The following PAPPA2 variants were observed in gnomAD, a reference collection of about 807,000 sequenced individuals.
PAPPA2 encodes pappalysin-2.
In PAPPA2, 86 loss-of-function variants were observed where a neutral mutation model predicts 176.4. The ratio of observed to expected loss-of-function variants is 0.49; its 90% CI spans 0.41 to 0.58. PAPPA2 has a LOEUF of 0.58. Among genes scored for constraint, PAPPA2 ranks in the 20% least tolerant of loss-of-function variants. The pLI is 0.00. For synonymous variants in PAPPA2, 809 were observed against 852.2 expected (o/e 0.95, Z 0.88); for missense variants, 2,073 against 2,256.9 (o/e 0.92, Z 1.65).
chr1:176,482,744 A>T (rs1652462577), intron 1 of PAPPA2, among the ~76,000 whole-genome samples: 1 of 152,080 alleles, frequency 6.6e-6, no homozygotes, highest in Non-Finnish European at 1.5e-5. Flanking sequence ...TTCAGTAGGG[A>T]AATAATTCCT....
intron 4 of PAPPA2, among the ~76,000 whole-genome samples, chr1:176,680,650 G>A (rs1325535097): frequency 6.6e-6 from 1 of 152,044 alleles, no homozygotes; most frequent in African/African-American, 2.4e-5. Context: ...GTTAAAAATC[G>A]CTTCTCAGTT....
At position 176,710,128 on chromosome 1, in the gene PAPPA2, CAAG is replaced by C. The variant is rs773573873; in HGVS notation, c.3610_3612del (p.Lys1204del). 14 of 1,613,790 alleles carry C rather than the reference CAAG, an allele frequency of 8.7e-6. No homozygotes were observed. Among genetic ancestry groups the C allele is most frequent in the African/African-American group, 4.0e-5 (3 of 75,010 alleles). ...CCCGGGCTTACTCCTCTCATGAAGACAAGAAGAAGTGTCCTGTTTCCTTGGTAA... is the reference window on the plus strand; with the variant it reads ...CCCGGGCTTACTCCTCTCATGAAGACAAGAAGTGTCCTGTTTCCTTGGTAA... On this transcript the variant is annotated inframe_deletion, in exon 11 of 23. Transcript: ENST00000367662.
rs771539594 is a variant in PAPPA2, at chr1:176,557,207, G to A, written c.885G>A (p.Pro295=). The change falls in exon 2 of 23, where the codon CCG becomes CCA. Residue 295 remains proline (P), a synonymous_variant. Coordinates refer to ENST00000367662, the MANE Select transcript of PAPPA2 (RefSeq NM_020318.3). The part of the protein sequence containing the change: ...EAFTVEAWVK[P]EGGQNNPAII... ...TCACAGTGGAAGCCTGGGTTAAACC[G>A]GAGGGAGGACAGAACAACCCAGCCA... is the stretch of plus-strand genomic sequence containing the variant. 9.3e-6 allele frequency: 15 copies of A among 1,607,158 alleles called. No individual in the cohort carries two copies. Among genetic ancestry groups the A allele is most frequent in the East Asian group, 2.2e-5 (1 of 44,556 alleles).
rs138285223 is a variant in PAPPA2 at position 176,756,009 on chromosome 1, T to A, written c.4152-9657T>A. 2.4e-4 allele frequency among the ~76,000 whole-genome samples: 37 copies of A among 152,292 alleles called. 1 individual carries two copies. In the East Asian group the frequency reaches 6.0e-3, roughly 25 times the overall value. On this transcript the variant is annotated intron_variant, in intron 14 of 22. Coordinates refer to ENST00000367662, the MANE Select transcript of PAPPA2 (RefSeq NM_020318.3). ...AGAGTTTCGCTCTTGTTGCCCAGGTTGGAGTGCAGCACAATCTCGGCTCAC... is the reference window on the plus strand; with the variant it reads ...AGAGTTTCGCTCTTGTTGCCCAGGTAGGAGTGCAGCACAATCTCGGCTCAC...
chr1:176,772,311 T>C (rs1049936358), intron 17 of PAPPA2, among the ~76,000 whole-genome samples: 7 of 152,218 alleles, frequency 4.6e-5, no homozygotes, highest in African/African-American at 1.7e-4. Context: ...AGCCTGTTGA[T>C]ATGTATTCTT....
chr1:176,774,459 T>A (rs1664364294), intron 17 of PAPPA2, among the ~76,000 whole-genome samples: 1 of 152,200 alleles, frequency 6.6e-6, no homozygotes, highest in African/African-American at 2.4e-5. Flanking sequence ...TGAAGCTGGT[T>A]GAACCGGGTG....
chr1:176,737,184 A>G (rs1304704610), intron 12 of PAPPA2, among the ~76,000 whole-genome samples: 3 of 152,036 alleles, frequency 2.0e-5, no homozygotes, highest in Non-Finnish European at 4.4e-5. Flanking sequence ...TGTCGGTAAC[A>G]TCTCTATTTC....
At chr1:176,561,402 C>T (rs115732931) in intron 2 of PAPPA2, among the ~76,000 whole-genome samples, 3,673 of 152,246 alleles carry the variant, frequency 0.024, 89 homozygotes, top group African/African-American at 0.065. Flanking sequence ...GGGAGCAGCA[C>T]GTTAACCTGC....
intron 20 of PAPPA2, among the ~76,000 whole-genome samples, chr1:176,796,223 T>G (rs1665418845): frequency 6.6e-6 from 1 of 152,168 alleles, no homozygotes; most frequent in Non-Finnish European, 1.5e-5. Flanking sequence ...AGGCATCAAG[T>G]GTCCCATCAC....
chr1:176,815,045 G>C (rs541886178), intron 21 of PAPPA2, among the ~76,000 whole-genome samples: 36 of 152,244 alleles, frequency 2.4e-4, no homozygotes, highest in African/African-American at 8.4e-4. Context: ...AGATAATCAT[G>C]TGGTTTTTGT....
In PAPPA2 at chr1:176,557,106, A is replaced by G. The variant is rs777890398; in HGVS notation, c.784A>G (p.Ile262Val). Residue 262 changes from isoleucine to valine, a missense_variant, in exon 2 of 23, where the codon ATC (isoleucine) becomes GTC (valine). By Grantham distance (29) the Ile-to-Val change is conservative (BLOSUM62 3). Transcript: ENST00000367662. ...CTTTAACTCCCAAGTAGGACTGCCC[A>G]TCTTATACTTCTCTGGGAGGCGGGA... ...ETFNSQVGLP[I>V]LYFSGRRERL... The G allele has an allele frequency of 2.5e-6, 4 of 1,613,794 alleles. No homozygotes were observed. The highest frequency in any genetic ancestry group is 1.1e-5 in the South Asian group (1 of 91,070).
At chr1:176,572,807 G>T (rs750548724) in intron 2 of PAPPA2, among the ~76,000 whole-genome samples, 1 of 152,170 alleles carries the variant, frequency 6.6e-6, no homozygotes, top group Non-Finnish European at 1.5e-5. Flanking sequence ...GAGAGGTCAT[G>T]TTCATTGCAA....
chr1:176,781,851 A>T (rs1204767436), intron 17 of PAPPA2, among the ~76,000 whole-genome samples: 1 of 152,226 alleles, frequency 6.6e-6, no homozygotes, highest in East Asian at 1.9e-4. Flanking sequence ...CACTGTGTGT[A>T]GTAAGAGGCT....
chr1:176,631,716 A>G (rs1192513865), intron 3 of PAPPA2, among the ~76,000 whole-genome samples: 1 of 152,174 alleles, frequency 6.6e-6, no homozygotes, highest in Admixed American at 6.5e-5. Flanking sequence ...GACAGCGGGT[A>G]AGAGTGAATG....
intron 1 of PAPPA2, among the ~76,000 whole-genome samples, chr1:176,480,975 C>T (rs140171813): frequency 8.3e-4 from 126 of 152,224 alleles, no homozygotes; most frequent in Non-Finnish European, 1.4e-3. Context: ...CCTAGGCCTG[C>T]ACCTCCACCC....
At chr1:176,668,144 T>C (rs995873531) in intron 3 of PAPPA2, among the ~76,000 whole-genome samples, 2 of 152,136 alleles carry the variant, frequency 1.3e-5, no homozygotes, top group African/African-American at 4.8e-5. Flanking sequence ...GCTTGAGCAA[T>C]GGGGCAGAAC....
At chr1:176,627,249 A>G (rs1656082603) in intron 3 of PAPPA2, among the ~76,000 whole-genome samples, 1 of 152,190 alleles carries the variant, frequency 6.6e-6, no homozygotes, top group Non-Finnish European at 1.5e-5. Context: ...ATCAAATCCA[A>G]AAAGTTATCA....
intron 9 of PAPPA2, among the ~76,000 whole-genome samples, chr1:176,704,184 C>T (rs768362776): frequency 7.9e-5 from 12 of 152,148 alleles, no homozygotes; most frequent in Non-Finnish European, 1.2e-4. Flanking sequence ...CATTCTCTCA[C>T]GAGCCTTAAA....
At chr1:176,802,045 ACCTGGGAG>A (rs1488034999) in intron 21 of PAPPA2, among the ~76,000 whole-genome samples, 2 of 152,250 alleles carry the variant, frequency 1.3e-5, no homozygotes, top group Non-Finnish European at 2.9e-5. Context: ...TCTCAGCATC[ACCTGGGAG>A]CCTACTGGAA....
Sources: allele counts gnomAD v4.1 joint callset (sites outside exome capture counted in the v4.1 genomes callset), GRCh38; gene constraint gnomAD v4.1.1; transcripts MANE v1.5; gene names NCBI Gene and HGNC (gene_info 2026-07-23, HGNC 2026-07-21).